VPS8: variants seen among roughly 807,000 people sequenced by gnomAD.
The protein encoded by VPS8 is vacuolar protein sorting-associated protein 8 homolog.
In VPS8, 129 loss-of-function variants were observed where a neutral mutation model predicts 216.4. The observed-to-expected ratio is 0.60, with a 90% CI of 0.52 to 0.69. VPS8 has a LOEUF of 0.69. Among genes scored for constraint, VPS8 ranks in the 30% least tolerant of loss-of-function variants. The pLI is 0.00. For synonymous variants in VPS8, 571 were observed against 565.4 expected (o/e 1.01, Z -0.14); for missense variants, 1,531 against 1,683.5 (o/e 0.91, Z 1.59).
chr3:184,909,294 A>G (rs1736062269), intron 25 of VPS8, among the ~76,000 whole-genome samples: 1 of 152,244 alleles, frequency 6.6e-6, no homozygotes, highest in Non-Finnish European at 1.5e-5. Context: ...TCCTCAGATT[A>G]TGGCAAATTT....
intron 45 of VPS8, among the ~76,000 whole-genome samples, chr3:185,023,165 A>G (rs1756888622): frequency 2.6e-5 from 4 of 152,214 alleles, no homozygotes; most frequent in Admixed American, 1.3e-4. Flanking sequence ...TTACAAATTA[A>G]TTAAACAGTA....
intron 3 of VPS8, among the ~76,000 whole-genome samples, chr3:184,831,868 G>A (rs143979688): frequency 1.6e-3 from 237 of 152,036 alleles, no homozygotes; most frequent in Non-Finnish European, 2.3e-3. Context: ...TTCTTGTCTC[G>A]CCTCATCCAT....
At chr3:184,950,141 C>T (rs1346889634) in intron 36 of VPS8, among the ~76,000 whole-genome samples, 3 of 145,620 alleles carry the variant, frequency 2.1e-5, no homozygotes, top group Non-Finnish European at 4.5e-5. Context: ...CTTCTGGCCT[C>T]AAAGAATCCA....
At chr3:184,914,703 T>G (rs1737202004) in intron 26 of VPS8, among the ~76,000 whole-genome samples, 1 of 152,186 alleles carries the variant, frequency 6.6e-6, no homozygotes, top group African/African-American at 2.4e-5. Flanking sequence ...TCATTCCTTC[T>G]TGCCCCTTTA....
At chr3:184,826,301 T>C (rs1029723611) in intron 3 of VPS8, 70 bp downstream of exon 3, 44 of 1,286,140 alleles carry the variant, frequency 3.4e-5, no homozygotes, top group Non-Finnish European at 4.8e-5. Flanking sequence ...GGATTAGTTA[T>C]CATACATGCA....
chr3:184,947,169 T>A (rs948235693), intron 36 of VPS8, among the ~76,000 whole-genome samples: 2 of 152,204 alleles, frequency 1.3e-5, no homozygotes, highest in African/African-American at 2.4e-5. Context: ...AAGCAAGTGA[T>A]GTCTCCAGTA....
At chr3:184,901,119 G>T (rs1734404324) in intron 25 of VPS8, 147 bp downstream of exon 25, 2 of 711,182 alleles carry the variant, frequency 2.8e-6, no homozygotes, top group Non-Finnish European at 4.7e-6. Context: ...AGCTGCAGAA[G>T]GAGCCATAGC....
intron 7 of VPS8, 34 bp downstream of exon 7, chr3:184,839,786 T>G (rs373590928): frequency 3.2e-6 from 5 of 1,565,174 alleles, no homozygotes; most frequent in South Asian, 2.4e-5. Flanking sequence ...CTTTTAAATA[T>G]TAAGTGTCCT....
intron 3 of VPS8, among the ~76,000 whole-genome samples, chr3:184,829,381 GT>G (rs2108530308): frequency 6.6e-6 from 1 of 152,054 alleles, no homozygotes; most frequent in South Asian, 2.1e-4. Context: ...ACGTGGCAAA[GT>G]TTTTTGTATT....
At chr3:184,891,316 T>C (rs761524447) in intron 22 of VPS8, among the ~76,000 whole-genome samples, 6 of 152,156 alleles carry the variant, frequency 3.9e-5, no homozygotes, top group Admixed American at 6.5e-5. Flanking sequence ...ACTCATGTTG[T>C]TCAACATCAG....
chr3:184,925,075 G>A, intron 30 of VPS8, 94 bp downstream of exon 30: 5 of 1,462,426 alleles, frequency 3.4e-6, no homozygotes, highest in Non-Finnish European at 4.5e-6. Flanking sequence ...CAGACTATTG[G>A]GTAAATACCT....
intron 28 of VPS8, among the ~76,000 whole-genome samples, chr3:184,917,940 G>A (rs1169033590): frequency 1.3e-5 from 2 of 152,134 alleles, no homozygotes; most frequent in Admixed American, 6.6e-5. Flanking sequence ...GTTGGTTTAG[G>A]CACACGTCCG....
intron 42 of VPS8, among the ~76,000 whole-genome samples, chr3:184,990,840 A>G (rs1751800628): frequency 6.6e-6 from 1 of 152,192 alleles, no homozygotes; most frequent in Admixed American, 6.5e-5. Context: ...TTCCAAAAGA[A>G]GTGGTCACAT....
At chr3:184,990,052 G>A (rs974015424) in intron 42 of VPS8, among the ~76,000 whole-genome samples, 71 of 152,030 alleles carry the variant, frequency 4.7e-4, no homozygotes, top group African/African-American at 1.5e-3. Context: ...CAGCCTGGGC[G>A]ACAGAGCAAG....
At chr3:184,914,102 G>A (rs1490196425) in intron 26 of VPS8, among the ~76,000 whole-genome samples, 1 of 152,204 alleles carries the variant, frequency 6.6e-6, no homozygotes, top group Admixed American at 6.5e-5. Context: ...ATTGAGCCCT[G>A]ATAGAACTTT....
intron 39 of VPS8, 29 bp downstream of exon 39, chr3:184,966,742 T>C: frequency 6.5e-7 from 1 of 1,531,974 alleles, no homozygotes; most frequent in Non-Finnish European, 8.9e-7. Context: ...TTACAACATT[T>C]TTCATCCTTG....
At chr3:184,902,122 C>CCT (rs1560596544) in intron 25 of VPS8, among the ~76,000 whole-genome samples, 5 of 119,622 alleles carry the variant, frequency 4.2e-5, no homozygotes, top group East Asian at 2.8e-4. Flanking sequence ...CCCCCCCCCC[C>CCT]TTTTTTTTTT....
At position 184,849,312 on chromosome 3, in the gene VPS8, G is replaced by A. The variant is rs1352016621; in HGVS notation, c.666+117G>A. 2.2e-5 allele frequency: 27 copies of A among 1,206,602 alleles called. No individual in the cohort carries two copies. The East Asian group carries it at 6.5e-4, about 29-fold the overall frequency. 74.7% of individuals were successfully genotyped at this position (1,206,602 alleles called of 1,614,324 possible). On this transcript the variant is annotated intron_variant, in intron 9 of 47. Transcript: ENST00000625842. ...TGTTATGAAGTAATATGTTTGTAGA[G>A]CTAACCAGAGATTGCTGAATCTGAG...
At chr3:184,887,009 T>C (rs1731403090) in intron 22 of VPS8, among the ~76,000 whole-genome samples, 1 of 152,196 alleles carries the variant, frequency 6.6e-6, no homozygotes, top group Admixed American at 6.5e-5. Flanking sequence ...ATAAATAAAC[T>C]CTTGATTAGG....
Sources: gnomAD v4.1 joint callset for allele counts (sites outside exome capture counted in the v4.1 genomes callset) on GRCh38, gnomAD v4.1.1 for gene constraint, MANE v1.5 for transcripts, NCBI Gene and HGNC (gene_info 2026-07-23, HGNC 2026-07-21) for gene names.